The following LNX1 variants were observed in gnomAD, a reference collection of about 807,000 sequenced individuals.
LNX1 encodes E3 ubiquitin-protein ligase LNX.
LNX1 carries 54 observed loss-of-function variants against 68.4 expected under a neutral mutation model. The observed-to-expected ratio is 0.79, with a 90% CI of 0.63 to 0.99. The LOEUF (loss-of-function observed/expected upper bound fraction) is 0.99. Among genes scored for constraint, LNX1 ranks in the 50% least tolerant of loss-of-function variants. The pLI is 0.00. For missense variants in LNX1, 906 were observed against 926.4 expected, an observed-to-expected ratio of 0.98 and a Z score of 0.29; for synonymous variants, 336 against 350.0, an observed-to-expected ratio of 0.96 and a Z score of 0.45.
chr4:53,479,020 T>C (rs985094669), intron 7 of LNX1, among the ~76,000 whole-genome samples: 3 of 151,886 alleles, frequency 2.0e-5, no homozygotes, highest in Admixed American at 6.6e-5. Flanking sequence ...AAGGAAAGAG[T>C]AAAAATGGAG....
chr4:53,566,827 A>T (rs1196488144), intron 2 of LNX1, among the ~76,000 whole-genome samples: 1 of 150,036 alleles, frequency 6.7e-6, no homozygotes, highest in Non-Finnish European at 1.5e-5. Context: ...ATGGAAAACA[A>T]AAAAAGGCAG....
At chr4:53,471,547 A>G (rs916173399) in intron 9 of LNX1, among the ~76,000 whole-genome samples, 1 of 152,240 alleles carries the variant, frequency 6.6e-6, no homozygotes, top group Non-Finnish European at 1.5e-5. Context: ...CATCAGAGTG[A>G]ACAGGCAACC....
At chr4:53,517,241 T>C (rs1225870911) in intron 2 of LNX1, among the ~76,000 whole-genome samples, 1 of 152,222 alleles carries the variant, frequency 6.6e-6, no homozygotes, top group Non-Finnish European at 1.5e-5. Context: ...TATGTTTTAA[T>C]AGTTATGGGC....
chr4:53,542,204 T>G (rs1728809964), intron 2 of LNX1, among the ~76,000 whole-genome samples: 6 of 152,134 alleles, frequency 3.9e-5, no homozygotes, highest in Admixed American at 3.9e-4. Flanking sequence ...GAATAACTAT[T>G]AGGAAAGTAA....
intron 9 of LNX1, among the ~76,000 whole-genome samples, chr4:53,470,676 G>A (rs1166224522): frequency 1.3e-5 from 2 of 152,082 alleles, no homozygotes; most frequent in Non-Finnish European, 2.9e-5. Flanking sequence ...AAAATCACAA[G>A]CATTCTTATA....
chr4:53,564,557 C>G (rs1435598664), intron 2 of LNX1, among the ~76,000 whole-genome samples: 3 of 152,218 alleles, frequency 2.0e-5, no homozygotes, highest in Admixed American at 2.0e-4. Flanking sequence ...ATGTCCAGCT[C>G]CTAATCCTCA....
intron 2 of LNX1, among the ~76,000 whole-genome samples, chr4:53,569,094 A>T (rs1730943149): frequency 6.6e-6 from 1 of 151,780 alleles, no homozygotes; most frequent in Non-Finnish European, 1.5e-5. Flanking sequence ...TGCCCAAGGT[A>T]ATTTACAGAT....
intron 1 of LNX1, among the ~76,000 whole-genome samples, chr4:53,623,787 T>A (rs889225786): frequency 6.6e-6 from 1 of 152,018 alleles, no homozygotes; most frequent in Non-Finnish European, 1.5e-5. Context: ...TTATTGCTGC[T>A]ATTTTATAGA....
At chr4:53,568,607 A>AGGGGGGCACAAGACG (rs1730894636) in intron 2 of LNX1, among the ~76,000 whole-genome samples, 1 of 151,650 alleles carries the variant, frequency 6.6e-6, no homozygotes, top group African/African-American at 2.4e-5. Context: ...GGCACAAGAC[A>AGGGGGGCACAAGACG]GGGATGCCCT....
chr4:53,498,494 C>T (rs1725238899), intron 5 of LNX1, 147 bp downstream of exon 5: 2 of 635,766 alleles, frequency 3.1e-6, no homozygotes, highest in African/African-American at 3.7e-5. Flanking sequence ...AATGACAAAT[C>T]TCAGAGAGTC....
upstream of LNX1, among the ~76,000 whole-genome samples, chr4:53,593,583 A>G (rs1308938032): frequency 6.6e-6 from 1 of 152,178 alleles, no homozygotes; most frequent in East Asian, 1.9e-4. Context: ...GAAGAGAAAA[A>G]ACTACACAAT....
chr4:53,469,054 A>T (rs1157699786), intron 9 of LNX1, among the ~76,000 whole-genome samples: 1 of 152,126 alleles, frequency 6.6e-6, no homozygotes, highest in African/African-American at 2.4e-5. Flanking sequence ...CCAGCACCAC[A>T]CCACACCTAT....
At chr4:53,545,768 T>C (rs76940133) in intron 2 of LNX1, among the ~76,000 whole-genome samples, 6,072 of 151,586 alleles carry the variant, frequency 0.04, 197 homozygotes, top group African/African-American at 0.081. Context: ...TGAGCCAGGA[T>C]TTGTACTCAG....
At chr4:53,638,007 T>C (rs1368527844) in intron 1 of LNX1, among the ~76,000 whole-genome samples, 1 of 152,178 alleles carries the variant, frequency 6.6e-6, no homozygotes, top group African/African-American at 2.4e-5. Context: ...TTATCACTGA[T>C]AGATGGCAGC....
At chr4:53,486,242 C>T (rs1227367168) in intron 6 of LNX1, among the ~76,000 whole-genome samples, 2 of 152,016 alleles carry the variant, frequency 1.3e-5, no homozygotes, top group African/African-American at 4.8e-5. Context: ...CCGCTCCTGG[C>T]AGAGCACCAT....
chr4:53,462,370 T>C (rs906212217), intron 9 of LNX1, among the ~76,000 whole-genome samples: 1 of 152,106 alleles, frequency 6.6e-6, no homozygotes, highest in Admixed American at 6.6e-5. Flanking sequence ...AACTATGTTA[T>C]AATTGCCATA....
At chr4:53,468,183 T>C (rs1297633704) in intron 9 of LNX1, among the ~76,000 whole-genome samples, 1 of 152,284 alleles carries the variant, frequency 6.6e-6, no homozygotes, top group African/African-American at 2.4e-5. Context: ...TGGGGGCCAA[T>C]ATTCAACATC....
intron 2 of LNX1, among the ~76,000 whole-genome samples, chr4:53,597,398 C>T (rs1732799083): frequency 1.3e-5 from 2 of 152,180 alleles, no homozygotes; most frequent in Non-Finnish European, 2.9e-5. Context: ...CAGAATGCCA[C>T]CACCTGCCAG....
chr4:53,499,958 C>T (rs1725356922), intron 4 of LNX1: 1 of 152,256 alleles, frequency 6.6e-6, no homozygotes, highest in African/African-American at 2.4e-5. Flanking sequence ...TCTCTCCTAG[C>T]TCTCTTCTCA....
Sources: gnomAD v4.1 joint callset for allele counts (sites outside exome capture counted in the v4.1 genomes callset) on GRCh38, gnomAD v4.1.1 for gene constraint, MANE v1.5 for transcripts, NCBI Gene and HGNC (gene_info 2026-07-23, HGNC 2026-07-21) for gene names.